Variants in ASCC1 observed in about 807,000 individuals in gnomAD.
ASCC1 encodes activating signal cointegrator 1 complex subunit 1.
A neutral mutation model predicts 46.6 loss-of-function variants in ASCC1; 35 were observed. The observed-to-expected ratio is 0.75, with a 90% confidence interval of 0.57 to 0.99. The LOEUF (loss-of-function observed/expected upper bound fraction) is 0.99. Ranked by LOEUF, ASCC1 falls within the 50% of genes least tolerant of loss-of-function variation. The pLI is 0.00. For synonymous variants in ASCC1, 143 were observed against 146.6 expected, an observed-to-expected ratio of 0.98 and a Z score of 0.18; for missense variants, 376 against 428.7, an observed-to-expected ratio of 0.88 and a Z score of 1.09.
intron 7 of ASCC1, among the ~76,000 whole-genome samples, chr10:72,137,387 G>T (rs189214740): frequency 6.6e-6 from 1 of 152,006 alleles, no homozygotes; most frequent in Non-Finnish European, 1.5e-5. Context: ...AATTAGATGG[G>T]TGTGGTGGTG....
chr10:72,180,273 C>T (rs1852405802), intron 5 of ASCC1, among the ~76,000 whole-genome samples: 1 of 149,430 alleles, frequency 6.7e-6, no homozygotes, highest in Non-Finnish European at 1.5e-5. Context: ...AGCGAGACCC[C>T]GTCTTAAAAA....
At chr10:72,146,793 C>A (rs1241737685) in intron 7 of ASCC1, among the ~76,000 whole-genome samples, 1 of 152,072 alleles carries the variant, frequency 6.6e-6, no homozygotes, top group East Asian at 1.9e-4. Context: ...AAAGGTCAGG[C>A]ATTTCACATT....
At chr10:72,145,983 TCA>T (rs1322151415) in intron 7 of ASCC1, among the ~76,000 whole-genome samples, 2 of 152,226 alleles carry the variant, frequency 1.3e-5, no homozygotes, top group Non-Finnish European at 2.9e-5. Context: ...CATTCCCATC[TCA>T]CACATTCTAT....
chr10:72,169,189 C>G (rs1020343716), intron 5 of ASCC1, among the ~76,000 whole-genome samples: 1 of 152,206 alleles, frequency 6.6e-6, no homozygotes, highest in African/African-American at 2.4e-5. Context: ...TTGCCTCACA[C>G]CTGCAATCCC....
At chr10:72,132,964 CAG>C (rs1845775157) in intron 8 of ASCC1, 91 bp downstream of exon 8, 1 of 1,526,420 alleles carries the variant, frequency 6.6e-7, no homozygotes, top group African/African-American at 1.4e-5. Flanking sequence ...GAAGCTATAT[CAG>C]AGATTCTTTG....
chr10:72,102,429 T>C (rs1841881795), intron 9 of ASCC1: 1 of 1,541,596 alleles, frequency 6.5e-7, no homozygotes, highest in Non-Finnish European at 8.8e-7. Flanking sequence ...CACAGTTAAG[T>C]GGAAACAGAT....
chr10:72,144,407 A>G (rs192879886), intron 7 of ASCC1, among the ~76,000 whole-genome samples: 3 of 152,338 alleles, frequency 2.0e-5, no homozygotes, highest in East Asian at 3.9e-4. Flanking sequence ...TTAAAAGCAT[A>G]TAACTTAATT....
intron 4 of ASCC1, among the ~76,000 whole-genome samples, chr10:72,201,710 G>A (rs1373046253): frequency 6.6e-6 from 1 of 152,112 alleles, no homozygotes; most frequent in African/African-American, 2.4e-5. Flanking sequence ...GGCCAAGGCA[G>A]GCAGATCGCT....
At chr10:72,190,508 A>G in intron 5 of ASCC1, 2 of 1,572,302 alleles carry the variant, frequency 1.3e-6, no homozygotes, top group Non-Finnish European at 1.7e-6. Context: ...GTTCCACCAC[A>G]CTATTGGTGG....
At chr10:72,152,468 C>T (rs1321665497) in intron 7 of ASCC1, among the ~76,000 whole-genome samples, 1 of 152,108 alleles carries the variant, frequency 6.6e-6, no homozygotes, top group East Asian at 1.9e-4. Flanking sequence ...TCCTGGAAAA[C>T]ACAAAGGAAC....
chr10:72,121,626 C>G (rs941188788), intron 9 of ASCC1, among the ~76,000 whole-genome samples: 1 of 151,758 alleles, frequency 6.6e-6, no homozygotes, highest in Non-Finnish European at 1.5e-5. Flanking sequence ...GAGCAAACTT[C>G]AGAGCAAGGA....
intron 7 of ASCC1, among the ~76,000 whole-genome samples, chr10:72,138,596 CTTTCTTT>C (rs1336303302): frequency 2.5e-4 from 33 of 133,298 alleles, no homozygotes; most frequent in African/African-American, 9.1e-4. Flanking sequence ...TTCTTTCTTT[CTTTCTTT>C]TTTTTTTTTT....
In ASCC1 at chr10:72,213,333, T is replaced by C; in HGVS notation, c.-33-2A>G. 6.9e-7 allele frequency: 1 copy of C among 1,447,900 alleles called. No individual in the cohort carries two copies. Among genetic ancestry groups the C allele is most frequent in the Non-Finnish European group, 9.7e-7 (1 of 1,030,400 alleles). The allele number at this position is 1,447,900 out of a possible 1,614,324, so 89.7% of individuals were successfully genotyped here. On this transcript the variant is annotated splice_acceptor_variant, in intron 1 of 9. Transcript: ENST00000672957. LOFTEE classifies it low-confidence loss of function (5UTR_SPLICE). ...TCCAAATGATATTCCAATTATGCCC[T>C]GAAAAATATAATTACCATCTTACCT...
chr10:72,188,121 C>CTTTT (rs1169395541), intron 5 of ASCC1, among the ~76,000 whole-genome samples: 67 of 124,402 alleles, frequency 5.4e-4, no homozygotes, highest in Non-Finnish European at 6.9e-4. Flanking sequence ...AATACTTCTT[C>CTTTT]TTTTTTTTTT....
chr10:72,111,928 C>T (rs1842962606), intron 9 of ASCC1, among the ~76,000 whole-genome samples: 1 of 152,242 alleles, frequency 6.6e-6, no homozygotes, highest in Admixed American at 6.5e-5. Flanking sequence ...AGGCGTGAGC[C>T]ACCACGCCAG....
At chr10:72,208,477 T>G (rs117192268) in intron 3 of ASCC1, among the ~76,000 whole-genome samples, 25 of 151,902 alleles carry the variant, frequency 1.6e-4, no homozygotes, top group Non-Finnish European at 1.5e-5. Context: ...AAAACATTTG[T>G]GGCCGGGTGC....
At chr10:72,159,903 C>CTTT (rs900754769) in intron 6 of ASCC1, among the ~76,000 whole-genome samples, 16 of 129,938 alleles carry the variant, frequency 1.2e-4, no homozygotes, top group South Asian at 7.3e-4. Flanking sequence ...TACACAGTTT[C>CTTT]TTTTTTTTTT....
At chr10:72,188,559 GGAAA>G (rs1283463723) in intron 5 of ASCC1, among the ~76,000 whole-genome samples, 3 of 152,068 alleles carry the variant, frequency 2.0e-5, no homozygotes, top group East Asian at 1.9e-4. Context: ...AAGTAAGGAA[GGAAA>G]GAAAGAAGAA....
chr10:72,204,289 A>AT (rs1009671138), intron 3 of ASCC1: 6 of 1,018,362 alleles, frequency 5.9e-6, no homozygotes, highest in Non-Finnish European at 8.5e-6. Flanking sequence ...CAATAGAAAA[A>AT]TTAGAATATC....
Sources: gnomAD v4.1 joint callset for allele counts (sites outside exome capture counted in the v4.1 genomes callset) on GRCh38, gnomAD v4.1.1 for gene constraint, MANE v1.5 for transcripts, NCBI Gene and HGNC (gene_info 2026-07-23, HGNC 2026-07-21) for gene names.